The following PTPN4 variants were observed in gnomAD, a reference collection of about 807,000 sequenced individuals.
PTPN4 encodes tyrosine-protein phosphatase non-receptor type 4.
In PTPN4, 49 loss-of-function variants were observed where a neutral mutation model predicts 135.5. The observed-to-expected ratio is 0.36, with a 90% CI of 0.29 to 0.46. PTPN4 has a LOEUF of 0.46. PTPN4 is among the 20% of genes least tolerant of loss of function. PTPN4 has a pLI of 1.00. For synonymous variants in PTPN4, 333 were observed against 369.9 expected, an observed-to-expected ratio of 0.90 and a Z score of 1.14; for missense variants, 860 against 1,101.0, an observed-to-expected ratio of 0.78 and a Z score of 3.10.
At chr2:119,794,270 C>T (rs1271823903) in intron 1 of PTPN4, among the ~76,000 whole-genome samples, 2 of 152,190 alleles carry the variant, frequency 1.3e-5, no homozygotes, top group African/African-American at 4.8e-5. Context: ...AGCTGGAAAC[C>T]TCTGTGGCCA....
chr2:119,962,836 A>G, intron 24 of PTPN4, 92 bp downstream of exon 24: 1 of 1,082,170 alleles, frequency 9.2e-7, no homozygotes, highest in East Asian at 2.9e-5. Flanking sequence ...ATTGGTTGCT[A>G]GGAAATACTA....
At chr2:119,941,927 A>T (rs1330989695) in intron 15 of PTPN4, among the ~76,000 whole-genome samples, 3 of 152,234 alleles carry the variant, frequency 2.0e-5, no homozygotes, top group Non-Finnish European at 4.4e-5. Flanking sequence ...TAAAGACAGC[A>T]GCTGCCACTT....
intron 5 of PTPN4, among the ~76,000 whole-genome samples, chr2:119,880,628 G>A (rs1036626927): frequency 1.3e-5 from 2 of 151,452 alleles, no homozygotes; most frequent in African/African-American, 4.9e-5. Context: ...AGTAGAGATG[G>A]GGTTTCACCG....
chr2:119,849,670 G>T (rs1192465585), intron 2 of PTPN4, among the ~76,000 whole-genome samples: 1 of 152,124 alleles, frequency 6.6e-6, no homozygotes, highest in African/African-American at 2.4e-5. Flanking sequence ...TCCAAGGCTT[G>T]TCGTTATTGT....
chr2:119,943,580 C>CTTT (rs70949374), intron 15 of PTPN4, among the ~76,000 whole-genome samples: 2,254 of 79,840 alleles, frequency 0.028, 167 homozygotes, highest in African/African-American at 0.074. Flanking sequence ...TCATTTTTTT[C>CTTT]TTTTTTTTTT....
intron 11 of PTPN4, among the ~76,000 whole-genome samples, chr2:119,918,921 G>A (rs1270960824): frequency 6.6e-6 from 1 of 152,252 alleles, no homozygotes; most frequent in African/African-American, 2.4e-5. Flanking sequence ...CTTCATAAAC[G>A]TTGAATTTAT....
chr2:119,889,294 C>T (rs1171361043), intron 9 of PTPN4, among the ~76,000 whole-genome samples: 6 of 152,108 alleles, frequency 3.9e-5, no homozygotes, highest in African/African-American at 1.4e-4. Context: ...GTGGTGGGCA[C>T]CTGTAGTCCC....
rs991268380 is a variant in PTPN4, at chr2:119,759,974, C to G, written c.-428C>G. ...AGTGCGCTTTTCCGCTCCTCGCGCC[C>G]CACCACCAACATTGTTCTCTCAGGA... On this transcript the variant is annotated 5_prime_UTR_variant, in exon 1 of 27. Coordinates refer to ENST00000263708, the MANE Select transcript of PTPN4 (RefSeq NM_002830.4). 1.1e-5 allele frequency: 4 copies of G among 377,146 alleles called. No homozygotes were observed. The highest frequency in any genetic ancestry group is 8.4e-5 in the African/African-American group (4 of 47,798). 23.4% of individuals were successfully genotyped at this position (377,146 alleles called of 1,614,324 possible). A position where few individuals can be genotyped will look rare whatever the true frequency, so the allele number is the denominator to read the frequency against.
chr2:119,850,006 C>T (rs1677567766), intron 2 of PTPN4, among the ~76,000 whole-genome samples: 1 of 152,216 alleles, frequency 6.6e-6, no homozygotes, highest in Admixed American at 6.5e-5. Context: ...TGTTCTGACT[C>T]TAGGAGGGTT....
chr2:119,877,240 C>G, intron 3 of PTPN4, 83 bp from the exon 4 acceptor site: 2 of 1,456,802 alleles, frequency 1.4e-6, no homozygotes, highest in Non-Finnish European at 1.9e-6. Context: ...TAGCATTAAT[C>G]TCCAAATGGA....
intron 1 of PTPN4, among the ~76,000 whole-genome samples, chr2:119,793,367 A>G (rs889061658): frequency 6.6e-6 from 1 of 152,158 alleles, no homozygotes; most frequent in Non-Finnish European, 1.5e-5. Flanking sequence ...CCTAATGGTT[A>G]TCTCCCTTGT....
At chr2:119,771,076 T>C (rs180975653) in intron 1 of PTPN4, among the ~76,000 whole-genome samples, 3 of 152,264 alleles carry the variant, frequency 2.0e-5, no homozygotes, top group Non-Finnish European at 4.4e-5. Context: ...TCAGTTACCA[T>C]GTAACAAGTC....
intron 3 of PTPN4, among the ~76,000 whole-genome samples, chr2:119,867,746 T>C (rs997927450): frequency 1.3e-5 from 2 of 152,218 alleles, no homozygotes; most frequent in Middle Eastern, 3.2e-3. Context: ...CCAAGATAAC[T>C]AACTGATTGT....
intron 2 of PTPN4, among the ~76,000 whole-genome samples, chr2:119,828,985 C>T (rs1263839306): frequency 3.9e-5 from 6 of 152,108 alleles, no homozygotes; most frequent in Non-Finnish European, 8.8e-5. Context: ...GAAAGCTTTC[C>T]CCTGAAACTG....
intron 18 of PTPN4, among the ~76,000 whole-genome samples, chr2:119,948,847 A>G (rs957345514): frequency 6.6e-6 from 1 of 152,142 alleles, no homozygotes; most frequent in African/African-American, 2.4e-5. Context: ...ACATAGAAAA[A>G]TTCTGGAAAC....
chr2:119,772,954 T>C (rs1336771793), intron 1 of PTPN4, among the ~76,000 whole-genome samples: 4 of 152,194 alleles, frequency 2.6e-5, no homozygotes, highest in Non-Finnish European at 5.9e-5. Flanking sequence ...CCAGATACTC[T>C]GAAATTCAAA....
intron 1 of PTPN4, among the ~76,000 whole-genome samples, chr2:119,804,476 G>C (rs1691431938): frequency 6.6e-6 from 1 of 152,096 alleles, no homozygotes; most frequent in African/African-American, 2.4e-5. Context: ...TCCCCGCCCT[G>C]TGTCCAAGTG....
intron 1 of PTPN4, among the ~76,000 whole-genome samples, chr2:119,760,684 C>T (rs1260976568): frequency 6.8e-6 from 1 of 147,934 alleles, no homozygotes; most frequent in Admixed American, 6.7e-5. Context: ...AGTACCTAAA[C>T]TCTAGGTAAA....
chr2:119,905,848 C>G (rs1242819025), intron 10 of PTPN4, among the ~76,000 whole-genome samples: 1 of 152,060 alleles, frequency 6.6e-6, no homozygotes, highest in Non-Finnish European at 1.5e-5. Context: ...TTAAACAACA[C>G]TCTCCTGAAA....
Sources: allele counts gnomAD v4.1 joint callset (sites outside exome capture counted in the v4.1 genomes callset), GRCh38; gene constraint gnomAD v4.1.1; transcripts MANE v1.5; gene names NCBI Gene and HGNC (gene_info 2026-07-23, HGNC 2026-07-21).